NRXN1: variants seen among roughly 807,000 people sequenced by gnomAD.
The protein encoded by NRXN1 is neurexin-1.
A neutral mutation model predicts 150.9 loss-of-function variants in NRXN1; 39 were observed. The ratio of observed to expected loss-of-function variants is 0.26; its 90% confidence interval spans 0.20 to 0.34. The LOEUF (loss-of-function observed/expected upper bound fraction) is 0.34. Among genes scored for constraint, NRXN1 ranks in the 10% least tolerant of loss-of-function variants. The pLI is 1.00. For missense variants in NRXN1, 1,815 were observed against 1,949.9 expected, an observed-to-expected ratio of 0.93 and a Z score of 1.30; for synonymous variants, 924 against 757.0, an observed-to-expected ratio of 1.22 and a Z score of -3.62.
intron 5 of NRXN1, among the ~76,000 whole-genome samples, chr2:50,626,021 T>A (rs549158898): frequency 4.8e-4 from 73 of 152,146 alleles, no homozygotes; most frequent in African/African-American, 1.6e-3. Context: ...CACTTGACAT[T>A]GTAGCTAATG....
intron 2 of NRXN1, among the ~76,000 whole-genome samples, chr2:51,023,373 G>A (rs1401729652): frequency 6.6e-6 from 1 of 152,188 alleles, no homozygotes; most frequent in Non-Finnish European, 1.5e-5. Context: ...CTCCTCTCAA[G>A]TAGGGAGTTA....
intron 5 of NRXN1, among the ~76,000 whole-genome samples, chr2:50,669,855 G>T (rs919627170): frequency 1.4e-5 from 2 of 143,590 alleles, no homozygotes; most frequent in African/African-American, 5.2e-5. Context: ...AATAAAAAAA[G>T]ATAAATCCAA....
chr2:50,955,918 C>T (rs974850764), intron 2 of NRXN1, among the ~76,000 whole-genome samples: 6 of 152,184 alleles, frequency 3.9e-5, no homozygotes, highest in Non-Finnish European at 8.8e-5. Context: ...AGTCCGTTTT[C>T]CCAGAGTCTG....
chr2:50,569,649 G>C (rs549462265), intron 8 of NRXN1, among the ~76,000 whole-genome samples: 1 of 151,888 alleles, frequency 6.6e-6, no homozygotes, highest in African/African-American at 2.4e-5. Context: ...ATATTCACCC[G>C]TCTACAGGCC....
At chr2:50,675,194 T>C (rs1417221123) in intron 5 of NRXN1, among the ~76,000 whole-genome samples, 1 of 152,054 alleles carries the variant, frequency 6.6e-6, no homozygotes, top group Non-Finnish European at 1.5e-5. Context: ...AATAAATCTC[T>C]TTACTTTATA....
chr2:50,285,510 T>C (rs1162784707), intron 17 of NRXN1, among the ~76,000 whole-genome samples: 1 of 152,252 alleles, frequency 6.6e-6, no homozygotes, highest in South Asian at 2.1e-4. Context: ...GAGATTGGAA[T>C]ACCCAGAGCA....
chr2:50,216,368 G>C (rs976224204), intron 18 of NRXN1, among the ~76,000 whole-genome samples: 4 of 152,046 alleles, frequency 2.6e-5, no homozygotes, highest in African/African-American at 9.7e-5. Context: ...GAGCAACACA[G>C]TATGAGAAGA....
chr2:50,795,233 G>A, intron 5 of NRXN1, among the ~76,000 whole-genome samples: 1 of 152,066 alleles, frequency 6.6e-6, no homozygotes, highest in Non-Finnish European at 1.5e-5. Context: ...TAGGTTTGGA[G>A]AGCCCCCACA....
chr2:50,026,039 T>A (rs1306293759), intron 21 of NRXN1, among the ~76,000 whole-genome samples: 3 of 152,230 alleles, frequency 2.0e-5, no homozygotes, highest in Non-Finnish European at 4.4e-5. Context: ...ATTTTCCATA[T>A]ACAGGCATAT....
rs181829545 is a variant in NRXN1, at chr2:50,230,535, C to G, written c.3546+6254G>C. Among the ~76,000 whole-genome samples, 13 of 151,996 alleles carry G rather than the reference C, an allele frequency of 8.6e-5. No homozygotes were observed. In the East Asian group the frequency reaches 2.5e-3, roughly 30 times the overall value. ...TATATAAAATGGATAGAAAAGTACT[C>G]AGAATGGAGACAGAAGGATAGCTGA... On this transcript the variant is annotated intron_variant, in intron 18 of 22. Transcript: ENST00000401669.
At chr2:50,441,442 G>A (rs557453403) in intron 17 of NRXN1, among the ~76,000 whole-genome samples, 15 of 152,124 alleles carry the variant, frequency 9.9e-5, no homozygotes, top group Middle Eastern at 6.8e-3. Context: ...CCATTGACAC[G>A]GAACATTTAA....
chr2:50,723,770 C>CA (rs1461500634), intron 5 of NRXN1, among the ~76,000 whole-genome samples: 2 of 152,134 alleles, frequency 1.3e-5, no homozygotes, highest in African/African-American at 4.8e-5. Flanking sequence ...ACAGGAGACT[C>CA]AGTGAAAAAG....
chr2:50,411,712 C>CCGG (rs2083192638), intron 17 of NRXN1, among the ~76,000 whole-genome samples: 1 of 151,788 alleles, frequency 6.6e-6, no homozygotes, highest in African/African-American at 2.4e-5. Context: ...CAGCCCCCGC[C>CCGG]CAGCCGCCAC....
At chr2:50,937,809 T>TA (rs1318552560) in intron 2 of NRXN1, among the ~76,000 whole-genome samples, 1 of 152,136 alleles carries the variant, frequency 6.6e-6, no homozygotes, top group Non-Finnish European at 1.5e-5. Context: ...TGGGTGCTAA[T>TA]AAAGTCATGC....
intron 5 of NRXN1, among the ~76,000 whole-genome samples, chr2:50,652,560 T>C (rs1341514703): frequency 6.6e-6 from 1 of 152,106 alleles, no homozygotes; most frequent in African/African-American, 2.4e-5. Context: ...TTCCACTGTA[T>C]AGATATACTA....
intron 18 of NRXN1, among the ~76,000 whole-genome samples, chr2:50,143,428 G>C (rs1188560403): frequency 6.6e-6 from 1 of 151,900 alleles, no homozygotes; most frequent in East Asian, 1.9e-4. Context: ...AGGGAATTTA[G>C]AGACACTCTT....
chr2:50,812,945 T>C (rs1287726461), intron 5 of NRXN1, among the ~76,000 whole-genome samples: 2 of 152,140 alleles, frequency 1.3e-5, no homozygotes, highest in African/African-American at 4.8e-5. Context: ...ATAGTGGTTT[T>C]GAATTGAAAA....
chr2:50,392,868 T>C (rs1252903957), intron 17 of NRXN1, among the ~76,000 whole-genome samples: 1 of 152,052 alleles, frequency 6.6e-6, no homozygotes, highest in Admixed American at 6.6e-5. Context: ...CCTGCAGTTC[T>C]AGCTACCAGG....
intron 5 of NRXN1, among the ~76,000 whole-genome samples, chr2:50,704,709 C>T (rs977894937): frequency 4.0e-5 from 6 of 151,148 alleles, no homozygotes; most frequent in African/African-American, 7.3e-5. Context: ...CATTTTACTG[C>T]TTTCCTTGAT....
Sources: allele counts gnomAD v4.1 joint callset (sites outside exome capture counted in the v4.1 genomes callset), GRCh38; gene constraint gnomAD v4.1.1; transcripts MANE v1.5; gene names NCBI Gene and HGNC (gene_info 2026-07-23, HGNC 2026-07-21).